Variants in SPMIP7 observed in about 807,000 individuals in gnomAD.
SPMIP7 encodes the protein protein SPMIP7.
the SPMIP7 span, among the ~76,000 whole-genome samples, chr7:50,107,362 C>CAAAAAAAAAAAAAAAAAAAAAAAAAAAA: frequency 1.2e-4 from 2 of 16,656 alleles, no homozygotes; most frequent in Non-Finnish European, 1.0e-4. Context: ...GACTCTGTCT[C>CAAAAAAAAAAAAAAAAAAAAAAAAAAAA]AAAAAAAAAA....
At chr7:50,112,258 A>G in the SPMIP7 span, among the ~76,000 whole-genome samples, 1 of 152,124 alleles carries the variant, frequency 6.6e-6, no homozygotes, top group South Asian at 2.1e-4. Context: ...ATAAACAAAG[A>G]AGAAACAATA....
the SPMIP7 span, among the ~76,000 whole-genome samples, chr7:50,127,617 C>CTATATATATATATATA: frequency 4.9e-3 from 700 of 142,406 alleles, 5 homozygotes; most frequent in East Asian, 0.01. Flanking sequence ...ATATCTTTTT[C>CTATATATATATATATA]TATATATATA....
the SPMIP7 span, among the ~76,000 whole-genome samples, chr7:50,150,222 C>T: frequency 6.6e-6 from 1 of 152,120 alleles, no homozygotes; most frequent in Non-Finnish European, 1.5e-5. Flanking sequence ...ATTCCTCCAC[C>T]ACCCACAGAG....
chr7:50,125,031 G>A, the SPMIP7 span, among the ~76,000 whole-genome samples: 49 of 149,622 alleles, frequency 3.3e-4, no homozygotes, highest in African/African-American at 1.1e-3. Flanking sequence ...CCCAGGAGGC[G>A]GAGATTGCAG....
the SPMIP7 span, chr7:50,151,666 G>A: frequency 1.3e-6 from 1 of 766,170 alleles, no homozygotes; most frequent in Non-Finnish European, 2.0e-6. Context: ...AATTTACATT[G>A]TTTTTAAAAA....
chr7:50,100,835 A>ATAAATAAATAAG, the SPMIP7 span, among the ~76,000 whole-genome samples: 4 of 151,516 alleles, frequency 2.6e-5, no homozygotes, highest in African/African-American at 9.7e-5. Context: ...AAATAAATAA[A>ATAAATAAATAAG]TAAATAAATA....
At chr7:50,141,532 G>A in the SPMIP7 span, 2 of 616,512 alleles carry the variant, frequency 3.2e-6, no homozygotes, top group Non-Finnish European at 2.9e-6. Flanking sequence ...TAAAAGAAAT[G>A]TGGTTTGTCA....
chr7:50,125,235 TATAC>T, the SPMIP7 span, among the ~76,000 whole-genome samples: 1 of 50,558 alleles, frequency 2.0e-5, no homozygotes, highest in African/African-American at 7.4e-5. Context: ...TACACATATA[TATAC>T]ACATATATAC....
At chr7:50,152,993 AAC>A in the SPMIP7 span, among the ~76,000 whole-genome samples, 1 of 152,082 alleles carries the variant, frequency 6.6e-6, no homozygotes, top group South Asian at 2.1e-4. Context: ...GGCCTTATCA[AAC>A]ATTTATTGAG....
the SPMIP7 span, among the ~76,000 whole-genome samples, chr7:50,119,174 C>T: frequency 6.6e-6 from 1 of 152,112 alleles, no homozygotes; most frequent in Non-Finnish European, 1.5e-5. Context: ...CTACTTGCCA[C>T]CCACGCTGCA....
chr7:50,110,941 A>C, the SPMIP7 span, among the ~76,000 whole-genome samples: 4 of 138,744 alleles, frequency 2.9e-5, no homozygotes, highest in African/African-American at 1.1e-4. Flanking sequence ...AATATGTAAA[A>C]TATAAATATA....
chr7:50,124,894 C>T, the SPMIP7 span, among the ~76,000 whole-genome samples: 151,312 of 151,862 alleles, frequency 1, 75,384 homozygotes, highest in Middle Eastern at 1. Context: ...AGGTCAGGAG[C>T]TCAAGATCAG....
the SPMIP7 span, among the ~76,000 whole-genome samples, chr7:50,157,391 G>A: frequency 2.6e-5 from 4 of 152,244 alleles, no homozygotes; most frequent in Admixed American, 6.5e-5. Context: ...GAATACAGGC[G>A]CAAGTGTTTT....
At chr7:50,096,209 C>T in the SPMIP7 span, 3,126 of 1,551,720 alleles carry the variant, frequency 2.0e-3, 4 homozygotes, top group Non-Finnish European at 2.6e-3. Flanking sequence ...AATGAACATG[C>T]CTTTTGTGAA....
chr7:50,157,732 A>C, the SPMIP7 span, among the ~76,000 whole-genome samples: 1 of 152,312 alleles, frequency 6.6e-6, no homozygotes, highest in Admixed American at 6.5e-5. Flanking sequence ...ACAAATTCAC[A>C]GCAAAATTAT....
chr7:50,102,957 C>A, the SPMIP7 span, among the ~76,000 whole-genome samples: 1 of 147,758 alleles, frequency 6.8e-6, no homozygotes, highest in Non-Finnish European at 1.5e-5. Flanking sequence ...TAAGTATATA[C>A]ATTACTTATA....
chr7:50,097,931 GCTCTTATTATTAA>G, the SPMIP7 span, among the ~76,000 whole-genome samples: 2 of 152,058 alleles, frequency 1.3e-5, no homozygotes, highest in Non-Finnish European at 2.9e-5. Flanking sequence ...ATTAATAGTA[GCTCTTATTATTAA>G]CTATTAAGAG....
At chr7:50,126,484 T>C in the SPMIP7 span, among the ~76,000 whole-genome samples, 1 of 151,874 alleles carries the variant, frequency 6.6e-6, no homozygotes, top group Admixed American at 6.6e-5. Flanking sequence ...CAATCTTATA[T>C]AGGTTATTTC....
chr7:50,156,017 C>T, the SPMIP7 span, among the ~76,000 whole-genome samples: 28 of 152,146 alleles, frequency 1.8e-4, no homozygotes, highest in African/African-American at 6.8e-4. Flanking sequence ...GATGTCAAGG[C>T]CTGCACCTCT....
Sources: gnomAD v4.1 joint callset for allele counts (sites outside exome capture counted in the v4.1 genomes callset) on GRCh38, gnomAD v4.1.1 for gene constraint, MANE v1.5 for transcripts, NCBI Gene and HGNC (gene_info 2026-07-23, HGNC 2026-07-21) for gene names.